The following PTK7 variants were observed in gnomAD, a reference collection of about 807,000 sequenced individuals.
The protein encoded by PTK7 is protein tyrosine kinase 7 (inactive).
Under a neutral mutation model 116.6 loss-of-function variants are expected in PTK7, and 39 were observed. The ratio of observed to expected loss-of-function variants is 0.33; its 90% CI spans 0.26 to 0.44. PTK7 has a LOEUF of 0.44. Among genes scored for constraint, PTK7 ranks in the 20% least tolerant of loss-of-function variants. The probability of loss-of-function intolerance (pLI) is 1.00; values close to 1 mark genes in which losing one functional copy is unlikely to be tolerated. For missense variants in PTK7, 1,169 were observed against 1,425.6 expected (o/e 0.82, Z 2.90); for synonymous variants, 546 against 563.6 (o/e 0.97, Z 0.44).
In PTK7 at chr6:43,076,543, G is replaced by A. The variant is rs1315473319; in HGVS notation, c.55G>A (p.Val19Ile). 2 of 1,578,814 alleles carry A rather than the reference G, an allele frequency of 1.3e-6. No homozygotes were observed. The highest frequency in any genetic ancestry group is 4.9e-5 in the East Asian group (2 of 40,838). The change falls in exon 1 of 20, where the codon GTC becomes ATC. Residue 19 changes from valine (V) to isoleucine (I), a missense_variant. Val to Ile is a conservative substitution (Grantham distance 29). This residue lies in a region of PTK7 where 487 missense variants were observed against 549.8 expected (regional missense o/e 0.89). Transcript: ENST00000230419. This position sits in a 1 kb window ranked among gnomAD's most constrained non-coding sequence, Gnocchi z 5.7. ...ACCCCGCCGGTTGCCTCTGCTCAGC[G>A]TCCTGCTGCTGCCGCTGCTGGGCGG... ...ARPRRLPLLS[V>I]LLLPLLGGTQ...
Position 43,129,940 on chromosome 6 carries a change from C to A in PTK7, c.470+111C>A. On this transcript the variant is annotated intron_variant, in intron 3 of 19. Transcript: ENST00000230419. The surrounding 1 kb of genome is among the most constrained non-coding windows in gnomAD (Gnocchi z 4.5). The stretch of plus-strand genomic sequence containing the variant: ...TCGCTCCATTCTGTGACCACTCGTT[C>A]CACCACCACAGTGCTCTTCACCCTG... 1 of 1,087,964 alleles carries A rather than the reference C, an allele frequency of 9.2e-7. No individual in the cohort carries two copies. The highest frequency in any genetic ancestry group is 1.4e-6 in the Non-Finnish European group (1 of 738,152). 67.4% of individuals were successfully genotyped at this position (1,087,964 alleles called of 1,614,324 possible).
rs775945984 is a variant in PTK7, at chr6:43,076,509, C to G, written c.21C>G (p.Ser7=). Residue 7 remains serine, a synonymous_variant, in exon 1 of 20, where the codon TCC becomes TCG. Transcript: ENST00000230419. This position sits in a 1 kb window ranked among gnomAD's most constrained non-coding sequence, Gnocchi z 5.7. MGAARG[S]PARPRRLPLL... is the part of the protein sequence containing the mutation. ...CCGCGATGGGAGCTGCGCGGGGATC[C>G]CCGGCCAGACCCCGCCGGTTGCCTC... 2.5e-5 allele frequency: 40 copies of G among 1,573,070 alleles called. No homozygotes were observed. Among genetic ancestry groups the G allele is most frequent in the Non-Finnish European group, 3.3e-5 (38 of 1,164,350 alleles).
In PTK7 at chr6:43,160,312, G is replaced by C. The variant is rs191874286; in HGVS notation, c.3052+346G>C. Among the ~76,000 whole-genome samples the C allele has an allele frequency of 1.3e-4, 20 of 152,222 alleles. No individual in the cohort carries two copies. The East Asian group carries it at 3.7e-3, about 28-fold the overall frequency. The stretch of plus-strand genomic sequence containing the variant: ...TTGTATTTTTAGTAGAGATGGGGGG[G>C]CTTCACCATGTTGGTCAGGCTGGTC... On this transcript the variant is annotated intron_variant, in intron 19 of 19. Transcript: ENST00000230419.
At chr6:43,116,643 TGTGTGTGTGCGC>T (rs1298189428) in intron 1 of PTK7, among the ~76,000 whole-genome samples, 3 of 86,924 alleles carry the variant, frequency 3.5e-5, no homozygotes, top group Non-Finnish European at 7.4e-5. Context: ...TGTGTGTGTG[TGTGTGTGTGCGC>T]GCGCACGCAC....
At chr6:43,149,377 G>GA (rs988533718) in intron 17 of PTK7, among the ~76,000 whole-genome samples, 179 of 147,270 alleles carry the variant, frequency 1.2e-3, no homozygotes, top group African/African-American at 4.0e-3. Context: ...TGTCTCAAAA[G>GA]AAAAAAAAAA....
chr6:43,127,712 G>A (rs972291457), intron 1 of PTK7, among the ~76,000 whole-genome samples: 1 of 152,012 alleles, frequency 6.6e-6, no homozygotes, highest in East Asian at 1.9e-4. Flanking sequence ...GGCGGATCAC[G>A]AGGTCAGGAG....
intron 17 of PTK7, 124 bp from the exon 18 acceptor site, chr6:43,158,693 T>C: frequency 9.9e-7 from 1 of 1,005,494 alleles, no homozygotes; most frequent in South Asian, 1.6e-5. Flanking sequence ...GCTGAGGCTG[T>C]TGTGCTTCTG....
intron 1 of PTK7, among the ~76,000 whole-genome samples, chr6:43,099,166 A>G (rs1173652504): frequency 6.6e-6 from 1 of 151,942 alleles, no homozygotes; most frequent in African/African-American, 2.4e-5. Flanking sequence ...GAAAAATAAA[A>G]GGACAATAGG....
Position 43,146,541 on chromosome 6 carries a change from G to A in PTK7, c.2641-77G>A, listed in dbSNP as rs989517635. ...CTGCCTCCCCAGGCAGGAATTCTGC[G>A]AGCACCTGCTTGGTCTGAGGCTTTA... On this transcript the variant is annotated intron_variant, in intron 16 of 19. Coordinates refer to ENST00000230419, the MANE Select transcript of PTK7 (RefSeq NM_002821.5). 3.2e-5 allele frequency: 45 copies of A among 1,395,416 alleles called. No individual in the cohort carries two copies. In the African/African-American group the frequency reaches 5.3e-4, roughly 16 times the overall value. The allele number at this position is 1,395,416 out of a possible 1,614,324, so 86.4% of individuals were successfully genotyped here.
intron 13 of PTK7, chr6:43,142,691 G>T (rs769401739): frequency 1.4e-4 from 44 of 314,284 alleles, no homozygotes; most frequent in Admixed American, 1.7e-4. Context: ...AAAAGGCCCT[G>T]CACTTAACTC....
rs1435803477 is a variant in PTK7, at chr6:43,129,693, C to T, written c.368-34C>T. On this transcript the variant is annotated intron_variant, in intron 2 of 19. Transcript: ENST00000230419. The surrounding 1 kb of genome is among the most constrained non-coding windows in gnomAD (Gnocchi z 4.5). Reference sequence around the variant, plus strand: ...TCTGCCTTCCCGCCTTTGCCCTGCTCTGCCCCTCACTGCAACCGTGGCCTC... The same window carrying T: ...TCTGCCTTCCCGCCTTTGCCCTGCTTTGCCCCTCACTGCAACCGTGGCCTC... 3 of 1,593,844 alleles carry T rather than the reference C, an allele frequency of 1.9e-6. No individual in the cohort carries two copies. Among genetic ancestry groups the T allele is most frequent in the Non-Finnish European group, 2.6e-6 (3 of 1,161,844 alleles).
chr6:43,110,389 T>G (rs191668427), intron 1 of PTK7, among the ~76,000 whole-genome samples: 678 of 150,472 alleles, frequency 4.5e-3, no homozygotes, highest in African/African-American at 9.6e-3. Flanking sequence ...AGGTTTTTTT[T>G]TTGTTGTTGT....
chr6:43,160,480 G>C (rs1771781955), intron 19 of PTK7, among the ~76,000 whole-genome samples: 1 of 152,150 alleles, frequency 6.6e-6, no homozygotes, highest in African/African-American at 2.4e-5. Context: ...GCCCACTCCA[G>C]CCACTCTGAC....
intron 10 of PTK7, among the ~76,000 whole-genome samples, chr6:43,140,186 C>T (rs1256662108): frequency 4.6e-5 from 7 of 152,164 alleles, no homozygotes; most frequent in African/African-American, 1.4e-4. Flanking sequence ...TGGTGGCTCA[C>T]GCCTGTAATC....
At chr6:43,091,804 C>T (rs1337076893) in intron 1 of PTK7, among the ~76,000 whole-genome samples, 1 of 152,188 alleles carries the variant, frequency 6.6e-6, no homozygotes, top group Non-Finnish European at 1.5e-5. Context: ...TGAATCATCC[C>T]TTTGTCCAGT....
At chr6:43,116,604 TTGTGTGTGTGTGTGTGTGTGTGTGTGTG>T (rs751605217) in intron 1 of PTK7, among the ~76,000 whole-genome samples, 2 of 119,086 alleles carry the variant, frequency 1.7e-5, no homozygotes, top group Non-Finnish European at 3.5e-5. Flanking sequence ...AAAAGCTGGT[TTGTGTGTGTGTGTGTGTGTGTGTGTGTG>T]TGTGTGTGTG....
At chr6:43,112,890 A>G (rs1327746167) in intron 1 of PTK7, among the ~76,000 whole-genome samples, 1 of 152,174 alleles carries the variant, frequency 6.6e-6, no homozygotes, top group Non-Finnish European at 1.5e-5. Flanking sequence ...GTGCAGTGGC[A>G]CAATCATAGC....
chr6:43,078,954 G>A (rs992001359), intron 1 of PTK7, among the ~76,000 whole-genome samples: 3 of 152,290 alleles, frequency 2.0e-5, no homozygotes, highest in Middle Eastern at 3.4e-3. Context: ...TGTAATTCAG[G>A]CCTAGGAGTT....
chr6:43,129,076 C>A lies in PTK7; in HGVS notation c.179C>A (p.Pro60Gln). 6.2e-7 allele frequency: 1 copy of A among 1,614,218 alleles called. No homozygotes were observed. The highest frequency in any genetic ancestry group is 8.5e-7 in the Non-Finnish European group (1 of 1,180,040). ...CGCTGTGAGGTTGAGGCTCCGGGCCCGGTACATGTGTACTGGCTGCTCGAT... is the reference window on the plus strand; with the variant it reads ...CGCTGTGAGGTTGAGGCTCCGGGCCAGGTACATGTGTACTGGCTGCTCGAT... Reference protein sequence around the residue: ...LLRCEVEAPGPVHVYWLLDGA... With the variant: ...LLRCEVEAPGQVHVYWLLDGA... The change falls in exon 2 of 20, where the codon CCG becomes CAG. Residue 60 changes from proline (P) to glutamine (Q), a missense_variant. Transcript: ENST00000230419. This position sits in a 1 kb window ranked among gnomAD's most constrained non-coding sequence, Gnocchi z 4.5.
Sources: allele counts gnomAD v4.1 joint callset (sites outside exome capture counted in the v4.1 genomes callset), GRCh38; gene constraint gnomAD v4.1.1; regional missense constraint gnomAD v4.1.1; non-coding constraint Gnocchi (gnomAD v3.1); transcripts MANE v1.5; gene names NCBI Gene and HGNC (gene_info 2026-07-23, HGNC 2026-07-21).